Variants in SCLT1 observed in about 807,000 individuals in gnomAD.
SCLT1 encodes the protein sodium channel and clathrin linker 1, also known as sodium channel-associated protein 1.
In SCLT1, 78 loss-of-function variants were observed where a neutral mutation model predicts 112.8. The ratio of observed to expected loss-of-function variants is 0.69; its 90% CI spans 0.58 to 0.83. SCLT1 has a LOEUF of 0.83. SCLT1 is among the 40% of genes least tolerant of loss of function. SCLT1 has a pLI of 0.00. For synonymous variants in SCLT1, 257 were observed against 254.7 expected (o/e 1.01, Z -0.09); for missense variants, 747 against 770.4 (o/e 0.97, Z 0.36).
chr4:129,032,726 GA>G (rs1746837744), intron 5 of SCLT1, among the ~76,000 whole-genome samples: 1 of 151,616 alleles, frequency 6.6e-6, no homozygotes, highest in African/African-American at 2.4e-5. Flanking sequence ...CAACAAACAT[GA>G]AAAAAAGCTC....
At chr4:128,921,324 C>T (rs760673515) in intron 18 of SCLT1, among the ~76,000 whole-genome samples, 2 of 151,156 alleles carry the variant, frequency 1.3e-5, no homozygotes, top group Non-Finnish European at 2.9e-5. Context: ...TCATATGGAA[C>T]CAAAAAAGAG....
rs535198067 is a variant in SCLT1 at position 128,953,771 on chromosome 4, C to T, written c.1147-931G>A. On this transcript the variant is annotated intron_variant, in intron 13 of 20. Coordinates refer to ENST00000281142, the MANE Select transcript of SCLT1 (RefSeq NM_144643.4). ...CCGAGATGGCGCCACTGCACTCCAGCCTGGGCAACAGAGTGAGACTCCATC... is the reference window on the plus strand; with the variant it reads ...CCGAGATGGCGCCACTGCACTCCAGTCTGGGCAACAGAGTGAGACTCCATC... Among the ~76,000 whole-genome samples, 33 of 150,032 alleles carry T rather than the reference C, an allele frequency of 2.2e-4. 1 individual carries two copies. The highest frequency in any genetic ancestry group is 7.8e-4 in the African/African-American group (32 of 40,808).
intron 9 of SCLT1, among the ~76,000 whole-genome samples, chr4:128,981,322 T>C (rs1198402146): frequency 6.6e-6 from 1 of 152,136 alleles, no homozygotes; most frequent in African/African-American, 2.4e-5. Flanking sequence ...AGACTGTTAT[T>C]GTAAAATGAA....
intron 18 of SCLT1, among the ~76,000 whole-genome samples, chr4:128,924,415 T>A (rs1219147268): frequency 6.6e-6 from 1 of 151,878 alleles, no homozygotes; most frequent in Non-Finnish European, 1.5e-5. Flanking sequence ...ATTACAAGTG[T>A]GGGCCACTAT....
intron 2 of SCLT1, among the ~76,000 whole-genome samples, chr4:129,065,810 T>A (rs1233922402): frequency 6.6e-6 from 1 of 152,138 alleles, no homozygotes; most frequent in Non-Finnish European, 1.5e-5. Flanking sequence ...AAGTGTGAAT[T>A]CTAAATTAGC....
At chr4:128,876,040 C>CTT (rs1273501063) in intron 4 of SCLT1, among the ~76,000 whole-genome samples, 6 of 152,126 alleles carry the variant, frequency 3.9e-5, no homozygotes. Flanking sequence ...CTGAAACAAT[C>CTT]TTTTGTACAT....
intron 5 of SCLT1, among the ~76,000 whole-genome samples, chr4:129,011,792 C>A (rs553563972): frequency 4.4e-4 from 67 of 152,122 alleles, no homozygotes; most frequent in Non-Finnish European, 8.7e-4. Flanking sequence ...GAAATTCATC[C>A]ATTTCTTCTA....
Position 129,029,483 on chromosome 4 carries a change from C to G in SCLT1, c.290+9558G>C, listed in dbSNP as rs1746486067. Among the ~76,000 whole-genome samples the G allele has an allele frequency of 2.0e-5, 3 of 148,234 alleles. No homozygotes were observed. The Admixed American group carries it at 2.1e-4, about 10-fold the overall frequency. ...ATAGGTGGGAATTGAACAATGAGAA[C>G]ACATGGACACAGGAAGGGGACCATC... is the stretch of plus-strand genomic sequence containing the variant. On this transcript the variant is annotated intron_variant, in intron 5 of 20. Transcript: ENST00000281142.
rs192489427 is a variant in SCLT1 at position 128,900,777 on chromosome 4, A to C, written c.1830-9640T>G. ...AGGAGAAAATTTTTGCAATCTACTC[A>C]TCTGACAAAGGGCTAATATCCAGAA... On this transcript the variant is annotated intron_variant, in intron 18 of 20. Coordinates refer to ENST00000281142, the MANE Select transcript of SCLT1 (RefSeq NM_144643.4). Among the ~76,000 whole-genome samples, 814 of 152,346 alleles carry C rather than the reference A, an allele frequency of 5.3e-3. 8 individuals carry two copies. The highest frequency in any genetic ancestry group is 0.019 in the African/African-American group (773 of 41,580).
At chr4:128,877,178 C>G (rs904494544) in intron 3 of SCLT1, among the ~76,000 whole-genome samples, 4 of 152,180 alleles carry the variant, frequency 2.6e-5, no homozygotes, top group Non-Finnish European at 4.4e-5. Flanking sequence ...AAAGGTTTAT[C>G]AAGTGGCAGG....
Position 128,954,317 on chromosome 4 carries a change from GTTTT to G in SCLT1, c.1147-1481_1147-1478del, listed in dbSNP as rs372723818. Among the ~76,000 whole-genome samples, 3 of 113,750 alleles carry G rather than the reference GTTTT, an allele frequency of 2.6e-5. No homozygotes were observed. The Admixed American group carries it at 2.7e-4, about 10-fold the overall frequency. The allele number at this position is 113,750 out of a possible 152,430, so 74.6% of individuals were successfully genotyped here. On this transcript the variant is annotated intron_variant, in intron 13 of 20. Coordinates refer to ENST00000281142, the MANE Select transcript of SCLT1 (RefSeq NM_144643.4). ...GCATATTATTTCTGGGTCTATTTTA[GTTTT>G]TTTTTTTTTTTTTTTGAGACAGAGT...
intron 18 of SCLT1, among the ~76,000 whole-genome samples, chr4:128,930,933 G>A (rs1402156460): frequency 1.3e-5 from 2 of 152,100 alleles, no homozygotes; most frequent in Non-Finnish European, 2.9e-5. Flanking sequence ...GATCAGAAGG[G>A]CTTGTTTCTT....
At chr4:129,042,330 CATT>C (rs1004961226) in intron 4 of SCLT1, among the ~76,000 whole-genome samples, 4 of 152,152 alleles carry the variant, frequency 2.6e-5, no homozygotes, top group African/African-American at 9.7e-5. Flanking sequence ...CAAAGAAACA[CATT>C]ATAAATATTA....
intron 2 of SCLT1, among the ~76,000 whole-genome samples, chr4:129,067,803 T>C (rs1318427379): frequency 6.6e-6 from 1 of 151,998 alleles, no homozygotes; most frequent in Non-Finnish European, 1.5e-5. Context: ...TGAGCCACCA[T>C]GCCTGGCAAA....
intron 9 of SCLT1, among the ~76,000 whole-genome samples, chr4:128,979,673 A>G (rs1283722195): frequency 6.6e-6 from 1 of 152,214 alleles, no homozygotes; most frequent in East Asian, 1.9e-4. Context: ...TTTAAATTTC[A>G]TACCACACAG....
At chr4:128,899,375 C>T (rs1734072622) in intron 18 of SCLT1, among the ~76,000 whole-genome samples, 1 of 152,134 alleles carries the variant, frequency 6.6e-6, no homozygotes, top group Admixed American at 6.5e-5. Context: ...TCAACATATG[C>T]AAATCGATAA....
At chr4:128,896,568 T>C (rs1268241441) in intron 18 of SCLT1, among the ~76,000 whole-genome samples, 1 of 151,838 alleles carries the variant, frequency 6.6e-6, no homozygotes, top group Non-Finnish European at 1.5e-5. Flanking sequence ...ACCACAAAGA[T>C]GGGGAAAAAA....
At chr4:129,031,543 G>A (rs1746719944) in intron 5 of SCLT1, among the ~76,000 whole-genome samples, 1 of 152,102 alleles carries the variant, frequency 6.6e-6, no homozygotes, top group Admixed American at 6.5e-5. Context: ...ACTGCAACAT[G>A]ATTGTATATT....
intron 14 of SCLT1, among the ~76,000 whole-genome samples, chr4:128,950,786 T>C (rs1195659365): frequency 6.6e-6 from 1 of 152,200 alleles, no homozygotes; most frequent in Admixed American, 6.5e-5. Context: ...GAACATTTTA[T>C]GTTACTTTTG....
Sources: gnomAD v4.1 joint callset for allele counts (sites outside exome capture counted in the v4.1 genomes callset) on GRCh38, gnomAD v4.1.1 for gene constraint, MANE v1.5 for transcripts, NCBI Gene and HGNC (gene_info 2026-07-23, HGNC 2026-07-21) for gene names.